Variants in PTPRK observed in about 807,000 individuals in gnomAD.
The protein encoded by PTPRK is receptor-type tyrosine-protein phosphatase kappa.
In PTPRK, 75 loss-of-function variants were observed where a neutral mutation model predicts 178.0. The observed-to-expected ratio is 0.42, with a 90% CI of 0.35 to 0.51. PTPRK has a LOEUF of 0.51. Among genes scored for constraint, PTPRK ranks in the 20% least tolerant of loss-of-function variants. The pLI is 0.02. For synonymous variants in PTPRK, 637 were observed against 620.6 expected, an observed-to-expected ratio of 1.03 and a Z score of -0.39; for missense variants, 1,441 against 1,797.8, an observed-to-expected ratio of 0.80 and a Z score of 3.59.
intron 2 of PTPRK, among the ~76,000 whole-genome samples, chr6:128,333,611 G>C (rs2128327020): frequency 6.6e-6 from 1 of 152,180 alleles, no homozygotes; most frequent in East Asian, 1.9e-4. Flanking sequence ...AGAGGGTCTT[G>C]CCTCAATGTT....
In PTPRK at chr6:128,158,258, C is replaced by A. The variant is rs984440885; in HGVS notation, c.1162+26174G>T. Among the ~76,000 whole-genome samples, 6 of 150,932 alleles carry A rather than the reference C, an allele frequency of 4.0e-5. No individual in the cohort carries two copies. The Admixed American group carries it at 4.0e-4, about 10-fold the overall frequency. ...AGGAACATCACACACTGGGGCCTGT[C>A]GTGGGGTGGGGGCAGGGGGGAGTGA... On this transcript the variant is annotated intron_variant, in intron 7 of 29. Coordinates refer to ENST00000368226, the MANE Select transcript of PTPRK (RefSeq NM_002844.4).
chr6:128,519,362 C>T lies in PTPRK; in HGVS notation c.100+897G>A, dbSNP rs1390598205. ...CTTCTCTGAGCGGCTTGACCGAGAA[C>T]CCCCAGGGCTACAGCGAGACGCTCC... is the stretch of plus-strand genomic sequence containing the variant. On this transcript the variant is annotated intron_variant, in intron 1 of 29. Coordinates refer to ENST00000368226, the MANE Select transcript of PTPRK (RefSeq NM_002844.4). The surrounding 1 kb of genome is among the most constrained non-coding windows in gnomAD (Gnocchi z 4.3). Among the ~76,000 whole-genome samples the T allele has an allele frequency of 6.6e-6, 1 of 152,234 alleles. No individual in the cohort carries two copies. The highest frequency in any genetic ancestry group is 1.5e-5 in the Non-Finnish European group (1 of 68,052).
chr6:128,318,777 C>T (rs187961787), intron 3 of PTPRK, among the ~76,000 whole-genome samples: 19 of 152,220 alleles, frequency 1.2e-4, no homozygotes, highest in African/African-American at 3.9e-4. Context: ...GAGAAAATTA[C>T]GCTTTTAGAG....
At chr6:128,237,602 T>C (rs989614829) in intron 5 of PTPRK, among the ~76,000 whole-genome samples, 1 of 152,182 alleles carries the variant, frequency 6.6e-6, no homozygotes, top group Non-Finnish European at 1.5e-5. Context: ...GAATCTCCTT[T>C]TATAAATAAG....
At chr6:128,199,965 C>G (rs1805616452) in intron 6 of PTPRK, among the ~76,000 whole-genome samples, 1 of 152,116 alleles carries the variant, frequency 6.6e-6, no homozygotes, top group Non-Finnish European at 1.5e-5. Flanking sequence ...TTAGAAGGAG[C>G]AGTGGAGTTC....
At chr6:128,252,122 T>C (rs995396129) in intron 3 of PTPRK, among the ~76,000 whole-genome samples, 2 of 152,138 alleles carry the variant, frequency 1.3e-5, no homozygotes, top group Non-Finnish European at 2.9e-5. Context: ...CATACAAAAG[T>C]AGCCTGTATG....
chr6:127,999,036 T>C (rs1386814630), intron 15 of PTPRK, 132 bp from the exon 16 acceptor site: 1 of 777,542 alleles, frequency 1.3e-6, no homozygotes, highest in Non-Finnish European at 1.9e-6. Context: ...GAAAGAAATA[T>C]CATACAGTAT....
chr6:128,501,391 T>TCACACACACACACA (rs67621491), intron 1 of PTPRK, among the ~76,000 whole-genome samples: 13 of 145,668 alleles, frequency 8.9e-5, no homozygotes, highest in African/African-American at 2.8e-4. Context: ...TAAACTCAAA[T>TCACACACACACACA]CACACACACA....
intron 1 of PTPRK, among the ~76,000 whole-genome samples, chr6:128,513,146 T>A (rs980883879): frequency 1.3e-5 from 2 of 152,128 alleles, no homozygotes; most frequent in South Asian, 2.1e-4. Context: ...GTTGTTTTGA[T>A]GTGTCTGGAA....
chr6:128,267,812 C>T (rs1015178054), intron 3 of PTPRK, among the ~76,000 whole-genome samples: 4 of 151,980 alleles, frequency 2.6e-5, no homozygotes, highest in African/African-American at 9.7e-5. Flanking sequence ...TTGTAAGTAA[C>T]AGCAGAATAT....
chr6:128,149,383 A>C (rs182270055), intron 7 of PTPRK, among the ~76,000 whole-genome samples: 2 of 152,294 alleles, frequency 1.3e-5, no homozygotes, highest in Admixed American at 1.3e-4. Flanking sequence ...CAGAATAAAT[A>C]TATTAAACCT....
intron 23 of PTPRK, 57 bp from the exon 24 acceptor site, chr6:127,983,037 A>T: frequency 6.6e-7 from 1 of 1,523,000 alleles, no homozygotes; most frequent in Non-Finnish European, 8.9e-7. Flanking sequence ...CTTTTCTGTC[A>T]TCAAAGTTAG....
chr6:128,339,294 G>C (rs1423754668), intron 2 of PTPRK, among the ~76,000 whole-genome samples: 1 of 151,888 alleles, frequency 6.6e-6, no homozygotes, highest in African/African-American at 2.4e-5. Context: ...TGACTTCCAG[G>C]AACCCACAAC....
intron 1 of PTPRK, among the ~76,000 whole-genome samples, chr6:128,459,115 T>C (rs1035930960): frequency 3.9e-5 from 6 of 152,182 alleles, no homozygotes; most frequent in African/African-American, 1.4e-4. Flanking sequence ...TTGGGAATCT[T>C]TGGCAGGCTC....
intron 6 of PTPRK, among the ~76,000 whole-genome samples, chr6:128,192,922 A>G (rs944855689): frequency 6.9e-6 from 1 of 143,958 alleles, no homozygotes; most frequent in Non-Finnish European, 1.5e-5. Flanking sequence ...AGAAGGGAGA[A>G]AGGGAGAGGG....
chr6:128,270,995 T>C (rs895049552), intron 3 of PTPRK, among the ~76,000 whole-genome samples: 2 of 152,040 alleles, frequency 1.3e-5, no homozygotes, highest in African/African-American at 4.8e-5. Context: ...ACTTCGACTG[T>C]CCACTTTGGG....
chr6:128,357,030 G>T (rs1834052586), intron 2 of PTPRK, among the ~76,000 whole-genome samples: 1 of 152,132 alleles, frequency 6.6e-6, no homozygotes, highest in South Asian at 2.1e-4. Context: ...TTTGAATACT[G>T]GGGAAGCCTA....
chr6:128,286,124 T>A (rs1236382919), intron 3 of PTPRK, among the ~76,000 whole-genome samples: 1 of 152,072 alleles, frequency 6.6e-6, no homozygotes, highest in African/African-American at 2.4e-5. Flanking sequence ...CAGCCAGTGG[T>A]GATCCTGTCT....
intron 5 of PTPRK, 104 bp downstream of exon 5, chr6:128,239,931 G>GCACA (rs149959603): frequency 2.7e-6 from 2 of 734,898 alleles, no homozygotes; most frequent in Admixed American, 2.7e-5. Context: ...GTGTGCACAC[G>GCACA]CACACACACA....
Sources: gnomAD v4.1 joint callset for allele counts (sites outside exome capture counted in the v4.1 genomes callset) on GRCh38, gnomAD v4.1.1 for gene constraint, Gnocchi (gnomAD v3.1) non-coding constraint, MANE v1.5 for transcripts, NCBI Gene and HGNC (gene_info 2026-07-23, HGNC 2026-07-21) for gene names.